Variants in OTOGL observed in about 807,000 individuals in gnomAD.
The protein encoded by OTOGL is otogelin-like protein.
Under a neutral mutation model 318.5 loss-of-function variants are expected in OTOGL, and 285 were observed. The observed-to-expected ratio is 0.89, with a 90% CI of 0.81 to 0.99. The LOEUF is 0.99. OTOGL is among the 50% of genes least tolerant of loss of function. The probability of loss-of-function intolerance (pLI) is 0.00; values close to 1 mark genes in which losing one functional copy is unlikely to be tolerated. For synonymous variants in OTOGL, 987 were observed against 936.5 expected (o/e 1.05, Z -0.99); for missense variants, 2,899 against 2,845.6 (o/e 1.02, Z -0.43).
chr12:80,346,870 T>G (rs2137973228), intron 44 of OTOGL, among the ~76,000 whole-genome samples: 1 of 152,292 alleles, frequency 6.6e-6, no homozygotes, highest in African/African-American at 2.4e-5. Flanking sequence ...CATTTGTAGA[T>G]GACTTCAACT....
At chr12:80,345,604 A>T (rs532507154) in intron 44 of OTOGL, among the ~76,000 whole-genome samples, 9 of 152,328 alleles carry the variant, frequency 5.9e-5, no homozygotes, top group Admixed American at 5.9e-4. Context: ...AAAGATAAAA[A>T]GTAAAACCTA....
intron 46 of OTOGL, among the ~76,000 whole-genome samples, chr12:80,354,262 T>A (rs1178193143): frequency 6.6e-6 from 1 of 152,216 alleles, no homozygotes; most frequent in Non-Finnish European, 1.5e-5. Flanking sequence ...ATCTGTCCAC[T>A]TCTTTGACCT....
intron 9 of OTOGL, among the ~76,000 whole-genome samples, chr12:80,234,267 G>A (rs1879644519): frequency 6.6e-6 from 1 of 152,174 alleles, no homozygotes. Context: ...TGTGTCCAAT[G>A]TAACACAGCT....
At chr12:80,132,635 T>G (rs1027903776) in intron 1 of OTOGL, 1 of 152,198 alleles carries the variant, frequency 6.6e-6, no homozygotes, top group African/African-American at 2.4e-5. Flanking sequence ...CTATTAATTA[T>G]GATTATATAT....
chr12:80,200,196 C>T (rs945184983), intron 1 of OTOGL, among the ~76,000 whole-genome samples: 5 of 152,088 alleles, frequency 3.3e-5, no homozygotes, highest in African/African-American at 7.2e-5. Flanking sequence ...GACAGGTATA[C>T]ACATGAAAGA....
chr12:80,352,953 C>T (rs59898724), intron 45 of OTOGL, among the ~76,000 whole-genome samples: 13,570 of 152,170 alleles, frequency 0.089, 666 homozygotes, highest in East Asian at 0.17. Flanking sequence ...GAGTTATATA[C>T]TGAAAGTGTA....
In OTOGL at chr12:80,267,257, C is replaced by T. The variant is rs769404207; in HGVS notation, c.2395C>T (p.His799Tyr). 6 of 1,541,380 alleles carry T rather than the reference C, an allele frequency of 3.9e-6. No homozygotes were observed. Among genetic ancestry groups the T allele is most frequent in the African/African-American group, 1.4e-5 (1 of 72,944 alleles). ...CTTTACTTTTTCTTCGTATAGATTC[C>T]ACTGCCGTTGTCATTATAGGGGCAG... ...DTLNFCVPIF[H>Y]CRCHYRGSVY... The change falls in exon 22 of 59, where the codon CAC (histidine) becomes TAC (tyrosine). Residue 799 changes from histidine to tyrosine, a missense_variant. Physicochemically the swap from His to Tyr is moderately conservative, Grantham distance 83. This residue lies in a region of OTOGL where 2,607 missense variants were observed against 2,524.9 expected (regional missense o/e 1.03). Transcript: ENST00000547103.
intron 46 of OTOGL, among the ~76,000 whole-genome samples, chr12:80,354,602 G>T (rs1176859347): frequency 6.6e-6 from 1 of 152,044 alleles, no homozygotes; most frequent in East Asian, 1.9e-4. Context: ...AAAAGAAAAT[G>T]AATTGACTAA....
intron 1 of OTOGL, among the ~76,000 whole-genome samples, chr12:80,190,025 G>A (rs761524640): frequency 4.6e-5 from 7 of 152,082 alleles, no homozygotes; most frequent in East Asian, 3.9e-4. Flanking sequence ...CAGCATCTCC[G>A]GCCCCATTTT....
chr12:80,169,670 G>T (rs920353147), intron 1 of OTOGL, among the ~76,000 whole-genome samples: 3 of 152,030 alleles, frequency 2.0e-5, no homozygotes, highest in African/African-American at 7.2e-5. Flanking sequence ...ATGTTCCTTT[G>T]TAGTCAAACT....
At chr12:80,148,126 TTGA>T (rs1355517196) in intron 1 of OTOGL, among the ~76,000 whole-genome samples, 1 of 151,948 alleles carries the variant, frequency 6.6e-6, no homozygotes, top group African/African-American at 2.4e-5. Context: ...TGCTCGTTAG[TTGA>T]TGCAGTTTCT....
chr12:80,205,593 T>C (rs1459189187), intron 1 of OTOGL, among the ~76,000 whole-genome samples: 1 of 152,212 alleles, frequency 6.6e-6, no homozygotes, highest in East Asian at 1.9e-4. Flanking sequence ...ATAAGACAGT[T>C]ACATTCAGAG....
At position 80,234,116 on chromosome 12, in the gene OTOGL, G is replaced by T. The variant is rs531531157; in HGVS notation, c.817+1019G>T. On this transcript the variant is annotated intron_variant, in intron 9 of 58. Transcript: ENST00000547103. ...TTTCTTTTCATTAAGATGGGGTCTT[G>T]CTATGTTGCCCAGGCTGGTCTTGAA... 3.2e-3 allele frequency among the ~76,000 whole-genome samples: 494 copies of T among 152,078 alleles called. 5 individuals are homozygous for T. The highest frequency in any genetic ancestry group is 0.011 in the African/African-American group (466 of 41,472).
chr12:80,380,278 A>C lies in OTOGL; in HGVS notation c.*2230A>C, dbSNP rs1227353980. 2 of 152,052 alleles carry C rather than the reference A, an allele frequency of 1.3e-5. No homozygotes were observed. Among genetic ancestry groups the C allele is most frequent in the African/African-American group, 4.8e-5 (2 of 41,450 alleles). The allele number at this position is 152,052 out of a possible 1,614,324, so 9.4% of individuals were successfully genotyped here. On this transcript the variant is annotated 3_prime_UTR_variant, in exon 59 of 59. Transcript: ENST00000547103. ...CAAATAAATGATTCATAGATTTAACAGTTAGAAAACTGAAAACAGACAAAT... is the reference window on the plus strand; with the variant it reads ...CAAATAAATGATTCATAGATTTAACCGTTAGAAAACTGAAAACAGACAAAT...
chr12:80,186,330 G>A (rs550068315), intron 1 of OTOGL, among the ~76,000 whole-genome samples: 10 of 151,924 alleles, frequency 6.6e-5, no homozygotes, highest in African/African-American at 9.7e-5. Context: ...CTACTTAGCC[G>A]CGTCTCTCCC....
chr12:80,304,017 C>G (rs933407213), intron 28 of OTOGL, among the ~76,000 whole-genome samples: 39 of 152,186 alleles, frequency 2.6e-4, no homozygotes, highest in African/African-American at 9.4e-4. Flanking sequence ...CAGACAACCA[C>G]TGATTATATT....
chr12:80,251,036 C>G (rs1881496948), intron 11 of OTOGL, among the ~76,000 whole-genome samples: 1 of 152,166 alleles, frequency 6.6e-6, no homozygotes, highest in Non-Finnish European at 1.5e-5. Flanking sequence ...TCAAAATCCT[C>G]TTTTAAATCT....
intron 1 of OTOGL, among the ~76,000 whole-genome samples, chr12:80,195,002 T>TAAA (rs755377106): frequency 3.9e-5 from 6 of 152,300 alleles, no homozygotes; most frequent in Admixed American, 6.5e-5. Flanking sequence ...AGCCTCATTT[T>TAAA]AAAAAAATGT....
At chr12:80,268,722 C>T (rs1242461598) in intron 22 of OTOGL, among the ~76,000 whole-genome samples, 9 of 152,020 alleles carry the variant, frequency 5.9e-5, no homozygotes, top group Middle Eastern at 3.2e-3. Flanking sequence ...TTACTTTCTA[C>T]GCGTAGTCAA....
Sources: gnomAD v4.1 joint callset for allele counts (sites outside exome capture counted in the v4.1 genomes callset) on GRCh38, gnomAD v4.1.1 for gene constraint, gnomAD v4.1.1 regional missense constraint, MANE v1.5 for transcripts, NCBI Gene and HGNC (gene_info 2026-07-23, HGNC 2026-07-21) for gene names.